The following PLEKHA5 variants were observed in gnomAD, a reference collection of about 807,000 sequenced individuals.
PLEKHA5 encodes the protein pleckstrin homology domain-containing family A member 5.
In PLEKHA5, 55 loss-of-function variants were observed where a neutral mutation model predicts 181.9. That is an observed-to-expected ratio of 0.30 (90% CI 0.24 to 0.38). PLEKHA5 has a LOEUF of 0.38. Ranked by LOEUF, PLEKHA5 falls within the 10% of genes least tolerant of loss-of-function variation. The pLI, the probability that PLEKHA5 is intolerant of heterozygous loss-of-function variation, is 1.00. For missense variants in PLEKHA5, 1,432 were observed against 1,549.5 expected, an observed-to-expected ratio of 0.92 and a Z score of 1.27; for synonymous variants, 535 against 529.4, an observed-to-expected ratio of 1.01 and a Z score of -0.15.
intron 15 of PLEKHA5, chr12:19,306,791 C>A: frequency 1.1e-6 from 1 of 872,990 alleles, no homozygotes; most frequent in Non-Finnish European, 2.0e-6. Flanking sequence ...ATGATCCAGA[C>A]TCAGCAGTTG....
Position 19,322,302 on chromosome 12 carries a change from T to A in PLEKHA5, c.2218-8T>A. ...ATTGCTAACAAGACATCTTCTCTTA[T>A]AACCTAGGCCAAGTTAAGCCGATTA... On this transcript the variant is annotated splice_region_variant and splice_polypyrimidine_tract_variant and intron_variant, in intron 18 of 31. Coordinates refer to ENST00000429027, the MANE Select transcript of PLEKHA5 (RefSeq NM_001256470.2). The A allele has an allele frequency of 6.2e-7, 1 of 1,604,908 alleles. No individual in the cohort carries two copies. Among genetic ancestry groups the A allele is most frequent in the Non-Finnish European group, 8.5e-7 (1 of 1,172,078 alleles).
intron 15 of PLEKHA5, among the ~76,000 whole-genome samples, chr12:19,295,369 T>A (rs951835284): frequency 6.6e-6 from 1 of 152,156 alleles, no homozygotes; most frequent in Non-Finnish European, 1.5e-5. Flanking sequence ...CAGAATATAA[T>A]AGGGATGGAG....
chr12:19,212,418 C>T (rs1214213272), intron 3 of PLEKHA5, among the ~76,000 whole-genome samples: 1 of 152,160 alleles, frequency 6.6e-6, no homozygotes, highest in African/African-American at 2.4e-5. Context: ...TGTGGTGGCC[C>T]ACGCCTGTAA....
At chr12:19,261,633 G>A (rs772295982) in intron 7 of PLEKHA5, among the ~76,000 whole-genome samples, 4 of 152,048 alleles carry the variant, frequency 2.6e-5, no homozygotes, top group African/African-American at 4.8e-5. Flanking sequence ...GGCACTCTCC[G>A]GAAAAGTCTG....
intron 7 of PLEKHA5, among the ~76,000 whole-genome samples, chr12:19,261,590 G>A (rs962552374): frequency 1.3e-5 from 2 of 152,196 alleles, no homozygotes; most frequent in Non-Finnish European, 1.5e-5. Context: ...ATACTACAAA[G>A]TTGTTACCTG....
At chr12:19,357,471 C>A (rs1276388908) in intron 26 of PLEKHA5, among the ~76,000 whole-genome samples, 1 of 152,098 alleles carries the variant, frequency 6.6e-6, no homozygotes, top group African/African-American at 2.4e-5. Flanking sequence ...GTCTTGAACT[C>A]CTGATCTCAA....
intron 3 of PLEKHA5, among the ~76,000 whole-genome samples, chr12:19,181,566 G>A (rs1179909654): frequency 1.3e-5 from 2 of 152,156 alleles, no homozygotes; most frequent in African/African-American, 4.8e-5. Context: ...CTTGAGGTCA[G>A]GAGTTTGAGA....
chr12:19,201,700 A>G (rs1412747342), intron 3 of PLEKHA5: 1 of 152,126 alleles, frequency 6.6e-6, no homozygotes, highest in Non-Finnish European at 1.5e-5. Context: ...GCTGCCTAAA[A>G]GAGCCAGACA....
At chr12:19,316,214 G>T (rs891799920) in intron 16 of PLEKHA5, among the ~76,000 whole-genome samples, 3 of 152,026 alleles carry the variant, frequency 2.0e-5, no homozygotes, top group African/African-American at 7.2e-5. Context: ...AAGGGATTTT[G>T]TTGTAATAGG....
intron 25 of PLEKHA5, among the ~76,000 whole-genome samples, chr12:19,352,443 T>G (rs1239238321): frequency 6.6e-6 from 1 of 152,068 alleles, no homozygotes; most frequent in Non-Finnish European, 1.5e-5. Flanking sequence ...TAGTTAGCTA[T>G]TGTTAACATT....
At chr12:19,168,556 G>A (rs1474851405) in intron 3 of PLEKHA5, among the ~76,000 whole-genome samples, 3 of 134,178 alleles carry the variant, frequency 2.2e-5, no homozygotes, top group Admixed American at 7.7e-5. Context: ...ACGATTAGTA[G>A]TATTTTTGCC....
At chr12:19,342,033 G>A (rs1316199816) in intron 21 of PLEKHA5, among the ~76,000 whole-genome samples, 1 of 152,016 alleles carries the variant, frequency 6.6e-6, no homozygotes, top group Non-Finnish European at 1.5e-5. Context: ...GTGCCTGGCT[G>A]AAAACATATT....
At chr12:19,347,411 C>A (rs778801951) in intron 24 of PLEKHA5, among the ~76,000 whole-genome samples, 2 of 151,644 alleles carry the variant, frequency 1.3e-5, no homozygotes, top group Non-Finnish European at 2.9e-5. Context: ...AATTTCATAG[C>A]ATTTTTCATA....
At chr12:19,265,913 G>T in intron 8 of PLEKHA5, 63 bp downstream of exon 8, 1 of 815,276 alleles carries the variant, frequency 1.2e-6, no homozygotes, top group Non-Finnish European at 2.1e-6. Flanking sequence ...AATGGATATT[G>T]AGCCATAGAT....
intron 20 of PLEKHA5, among the ~76,000 whole-genome samples, chr12:19,334,829 A>AAAAAAAAATATATATATATATATAT: frequency 5.4e-5 from 1 of 18,602 alleles, no homozygotes; most frequent in Non-Finnish European, 1.4e-4. Context: ...AAAAAAAAAA[A>AAAAAAAAATATATATATATATATAT]ATATATATAT....
intron 3 of PLEKHA5, among the ~76,000 whole-genome samples, chr12:19,251,980 G>GT (rs1487663750): frequency 1.3e-5 from 2 of 152,000 alleles, no homozygotes; most frequent in Non-Finnish European, 2.9e-5. Flanking sequence ...GTCAAGTGCT[G>GT]TATCTATTAA....
chr12:19,164,204 T>G (rs912012480), intron 3 of PLEKHA5, among the ~76,000 whole-genome samples: 50 of 146,250 alleles, frequency 3.4e-4, no homozygotes, highest in African/African-American at 6.6e-4. Context: ...TTTGTTTTTT[T>G]TTTTTTTTTT....
intron 15 of PLEKHA5, among the ~76,000 whole-genome samples, chr12:19,298,996 G>A (rs1191059400): frequency 6.6e-6 from 1 of 152,194 alleles, no homozygotes; most frequent in Non-Finnish European, 1.5e-5. Context: ...CTCACAGTCT[G>A]GCTGACTGAT....
At chr12:19,203,805 TA>T (rs1694169871) in intron 3 of PLEKHA5, among the ~76,000 whole-genome samples, 1 of 151,952 alleles carries the variant, frequency 6.6e-6, no homozygotes, top group South Asian at 2.1e-4. Flanking sequence ...CCGTGACTCA[TA>T]TATAACCTGT....
Sources: allele counts gnomAD v4.1 joint callset (sites outside exome capture counted in the v4.1 genomes callset), GRCh38; gene constraint gnomAD v4.1.1; transcripts MANE v1.5; gene names NCBI Gene and HGNC (gene_info 2026-07-23, HGNC 2026-07-21).